The following PKNOX2 variants were observed in gnomAD, a reference collection of about 807,000 sequenced individuals.
PKNOX2 encodes the protein PBX/knotted 1 homeobox 2.
Under a neutral mutation model 53.1 loss-of-function variants are expected in PKNOX2, and 14 were observed. The observed-to-expected ratio is 0.26, with a 90% CI of 0.17 to 0.41. PKNOX2 has a LOEUF of 0.41. Among genes scored for constraint, PKNOX2 ranks in the 10% least tolerant of loss-of-function variants. The pLI is 1.00. For synonymous variants in PKNOX2, 257 were observed against 242.8 expected (o/e 1.06, Z -0.54); for missense variants, 496 against 602.8 (o/e 0.82, Z 1.85).
At chr11:125,382,324 CGCACACACACACAA>C (rs1953299996) in intron 5 of PKNOX2, among the ~76,000 whole-genome samples, 1 of 152,230 alleles carries the variant, frequency 6.6e-6, no homozygotes, top group South Asian at 2.1e-4. Flanking sequence ...CATATGCACG[CGCACACACACACAA>C]GCACACACAC....
chr11:125,289,460 G>A (rs113909325), intron 2 of PKNOX2, among the ~76,000 whole-genome samples: 16 of 152,298 alleles, frequency 1.1e-4, no homozygotes, highest in African/African-American at 3.1e-4. Context: ...CTTTGAATGA[G>A]GATCAAGTGA....
intron 10 of PKNOX2, among the ~76,000 whole-genome samples, chr11:125,426,465 T>G (rs1157483254): frequency 6.6e-6 from 1 of 152,246 alleles, no homozygotes; most frequent in Admixed American, 6.5e-5. Flanking sequence ...TGCCCAACAG[T>G]TGTGGGCTGG....
intron 1 of PKNOX2, among the ~76,000 whole-genome samples, chr11:125,196,542 G>A (rs1338408292): frequency 1.3e-5 from 2 of 152,190 alleles, no homozygotes; most frequent in Non-Finnish European, 2.9e-5. Context: ...GGACAAGGGT[G>A]GAAGGGCCAC....
At chr11:125,312,563 CG>C (rs1948878511) in intron 2 of PKNOX2, among the ~76,000 whole-genome samples, 1 of 152,092 alleles carries the variant, frequency 6.6e-6, no homozygotes, top group Non-Finnish European at 1.5e-5. Flanking sequence ...GCAGGAGGGC[CG>C]GGGCAGCGGG....
intron 2 of PKNOX2, among the ~76,000 whole-genome samples, chr11:125,321,977 T>G (rs58145135): frequency 0.023 from 3,562 of 152,286 alleles, 150 homozygotes; most frequent in African/African-American, 0.079. Flanking sequence ...ATCCCATTGA[T>G]GAGGGCAGAG....
intron 2 of PKNOX2, among the ~76,000 whole-genome samples, chr11:125,288,672 C>A (rs1947083262): frequency 6.6e-6 from 1 of 152,176 alleles, no homozygotes; most frequent in South Asian, 2.1e-4. Flanking sequence ...CCGTAGGAAG[C>A]ACTGCTGACC....
chr11:125,358,742 G>A (rs1021969926), intron 4 of PKNOX2, among the ~76,000 whole-genome samples: 3 of 152,204 alleles, frequency 2.0e-5, no homozygotes, highest in Non-Finnish European at 2.9e-5. Flanking sequence ...AATATTTTGA[G>A]GGGCCTTCTT....
chr11:125,306,362 C>T (rs1308617121), intron 2 of PKNOX2, among the ~76,000 whole-genome samples: 1 of 152,226 alleles, frequency 6.6e-6, no homozygotes, highest in Non-Finnish European at 1.5e-5. Context: ...AGGGAGCTCA[C>T]TGATGCAGGT....
chr11:125,329,332 TTAACA>T (rs1191617318), intron 2 of PKNOX2, among the ~76,000 whole-genome samples: 1 of 152,240 alleles, frequency 6.6e-6, no homozygotes, highest in African/African-American at 2.4e-5. Context: ...TGCTACTAAC[TTAACA>T]TTTTTCCTCT....
chr11:125,352,885 A>C lies in PKNOX2; in HGVS notation c.87+1493A>C, dbSNP rs1333798073. On this transcript the variant is annotated intron_variant, in intron 4 of 12. Coordinates refer to ENST00000298282, the MANE Select transcript of PKNOX2 (RefSeq NM_001382323.2). This position sits in a 1 kb window ranked among gnomAD's most constrained non-coding sequence, Gnocchi z 4.1. ...ATGGCTCTTGTATTTGAAAGCTTCC[A>C]GGCATCCAACACTATGTCAAGTCCC... 6.6e-6 allele frequency among the ~76,000 whole-genome samples: 1 copy of C among 152,206 alleles called. No homozygotes were observed. The highest frequency in any genetic ancestry group is 2.4e-5 in the African/African-American group (1 of 41,462).
intron 2 of PKNOX2, among the ~76,000 whole-genome samples, chr11:125,286,212 G>C (rs1213958764): frequency 1.3e-5 from 2 of 152,194 alleles, no homozygotes; most frequent in Non-Finnish European, 2.9e-5. Context: ...GGGCATGGAG[G>C]CTCACAGGTA....
At chr11:125,174,802 C>A (rs1306348562) in intron 1 of PKNOX2, among the ~76,000 whole-genome samples, 1 of 152,106 alleles carries the variant, frequency 6.6e-6, no homozygotes, top group African/African-American at 2.4e-5. Context: ...GACCGCTGCT[C>A]CCCTGTGGCC....
At chr11:125,388,532 G>A (rs957333161) in intron 6 of PKNOX2, among the ~76,000 whole-genome samples, 1 of 152,054 alleles carries the variant, frequency 6.6e-6, no homozygotes, top group Non-Finnish European at 1.5e-5. Flanking sequence ...CTTTCATAGG[G>A]ATTGTCAGGA....
At chr11:125,344,493 A>T (rs1950871242) in intron 3 of PKNOX2, among the ~76,000 whole-genome samples, 1 of 152,104 alleles carries the variant, frequency 6.6e-6, no homozygotes, top group African/African-American at 2.4e-5. Flanking sequence ...AGGGAGAGAG[A>T]TCTGCACATC....
intron 7 of PKNOX2, among the ~76,000 whole-genome samples, chr11:125,405,834 C>A (rs1010667558): frequency 6.6e-6 from 1 of 152,170 alleles, no homozygotes; most frequent in East Asian, 1.9e-4. Context: ...TGGAGCCCGG[C>A]GTGTTGGTTT....
intron 2 of PKNOX2, among the ~76,000 whole-genome samples, chr11:125,264,868 C>A (rs1208964961): frequency 6.6e-6 from 1 of 152,122 alleles, no homozygotes; most frequent in Non-Finnish European, 1.5e-5. Context: ...CTCCCCTGGC[C>A]CCATCTGTGA....
intron 2 of PKNOX2, among the ~76,000 whole-genome samples, chr11:125,276,600 G>A (rs1036130668): frequency 6.6e-6 from 1 of 152,150 alleles, no homozygotes; most frequent in East Asian, 1.9e-4. Context: ...GGAAGATGGG[G>A]TAGTTCTCAT....
At chr11:125,317,264 T>G (rs916299877) in intron 2 of PKNOX2, among the ~76,000 whole-genome samples, 3 of 152,202 alleles carry the variant, frequency 2.0e-5, no homozygotes, top group Non-Finnish European at 4.4e-5. Flanking sequence ...AGGCTTGAAA[T>G]CAACTTCTTC....
intron 3 of PKNOX2, among the ~76,000 whole-genome samples, chr11:125,347,225 C>A (rs1481273775): frequency 1.3e-5 from 2 of 151,842 alleles, no homozygotes; most frequent in Non-Finnish European, 2.9e-5. Context: ...TTTCCCTATC[C>A]CCCATCAATT....
Sources: allele counts gnomAD v4.1 joint callset (sites outside exome capture counted in the v4.1 genomes callset), GRCh38; gene constraint gnomAD v4.1.1; non-coding constraint Gnocchi (gnomAD v3.1); transcripts MANE v1.5; gene names NCBI Gene and HGNC (gene_info 2026-07-23, HGNC 2026-07-21).